OPRM1: variants seen among roughly 807,000 people sequenced by gnomAD.
OPRM1 encodes opioid receptor mu 1.
OPRM1 carries 27 observed loss-of-function variants against 31.8 expected under a neutral mutation model. The observed-to-expected ratio is 0.85, with a 90% CI of 0.63 to 1.17. OPRM1 has a LOEUF of 1.17. Among genes scored for constraint, OPRM1 ranks in the 50% most tolerant of loss-of-function variants. The probability of loss-of-function intolerance (pLI) is 0.00; values close to 1 mark genes in which losing one functional copy is unlikely to be tolerated. For missense variants in OPRM1, 536 were observed against 511.1 expected, an observed-to-expected ratio of 1.05 and a Z score of -0.47; for synonymous variants, 196 against 189.9, an observed-to-expected ratio of 1.03 and a Z score of -0.26.
At chr6:154,092,066 T>A (rs185326106) in intron 3 of OPRM1, 3 of 252,330 alleles carry the variant, frequency 1.2e-5, no homozygotes, top group African/African-American at 6.9e-5. Flanking sequence ...GAATAATATA[T>A]TATTAATATG....
At chr6:154,117,167 T>C (rs142906376) in intron 3 of OPRM1, among the ~76,000 whole-genome samples, 3 of 152,330 alleles carry the variant, frequency 2.0e-5, no homozygotes, top group African/African-American at 7.2e-5. Context: ...GCCAGAATAT[T>C]TGCTACCAGA....
intron 1 of OPRM1, among the ~76,000 whole-genome samples, chr6:154,055,444 T>A (rs1313881505): frequency 6.6e-6 from 1 of 151,780 alleles, no homozygotes; most frequent in Admixed American, 6.6e-5. Flanking sequence ...TTTTATTAGC[T>A]CCTAATTTTC....
At chr6:154,035,712 G>T (rs1045911853), upstream of OPRM1, among the ~76,000 whole-genome samples, 4 of 152,130 alleles carry the variant, frequency 2.6e-5, no homozygotes, top group Admixed American at 1.3e-4. Context: ...TCAAAGAAGA[G>T]AAGTGACTTT....
chr6:154,072,374 T>C (rs577990043), intron 1 of OPRM1, among the ~76,000 whole-genome samples: 3 of 152,284 alleles, frequency 2.0e-5, no homozygotes, highest in African/African-American at 7.2e-5. Flanking sequence ...ACTATAATCA[T>C]CACATATGTT....
intron 3 of OPRM1, among the ~76,000 whole-genome samples, chr6:154,221,559 G>T (rs530036975): frequency 6.6e-6 from 1 of 152,132 alleles, no homozygotes; most frequent in African/African-American, 2.4e-5. Flanking sequence ...AGTCTTAGCT[G>T]GTCAGTAGTT....
chr6:154,229,526 T>A (rs1221539673), intron 3 of OPRM1, among the ~76,000 whole-genome samples: 1 of 118,872 alleles, frequency 8.4e-6, no homozygotes. Context: ...ATTTTTTGTA[T>A]TTTTTTTTTT....
rs995679869 is a variant in OPRM1, at chr6:154,126,849, C to T, written c.*8128C>T. Among the ~76,000 whole-genome samples the T allele has an allele frequency of 2.0e-5, 3 of 152,148 alleles. No individual in the cohort carries two copies. The highest frequency in any genetic ancestry group is 4.4e-5 in the Non-Finnish European group (3 of 68,040). On this transcript the variant is annotated 3_prime_UTR_variant, in exon 4 of 4. Coordinates refer to ENST00000330432, the MANE Select transcript of OPRM1 (RefSeq NM_000914.5). ...AGTGCCTGCTGGGCGCGGTGGCTCA[C>T]GCCTGTAATTCCAGCACTTTGGGAG...
chr6:154,110,556 A>G, intron 3 of OPRM1: 1 of 615,560 alleles, frequency 1.6e-6, no homozygotes, highest in Non-Finnish European at 2.9e-6. Context: ...GGATCCCTTC[A>G]CAAGCAGGAG....
At chr6:154,237,416 A>G (rs1780222623) in intron 3 of OPRM1, among the ~76,000 whole-genome samples, 1 of 152,256 alleles carries the variant, frequency 6.6e-6, no homozygotes, top group Non-Finnish European at 1.5e-5. Context: ...TACACAGGAC[A>G]GATCATAGTC....
rs149942124 is a variant in OPRM1, at chr6:154,122,505, T to C, written c.*3784T>C. 6.6e-6 allele frequency among the ~76,000 whole-genome samples: 1 copy of C among 152,318 alleles called. No individual in the cohort carries two copies. Among genetic ancestry groups the C allele is most frequent in the African/African-American group, 2.4e-5 (1 of 41,584 alleles). On this transcript the variant is annotated 3_prime_UTR_variant, in exon 4 of 4. Transcript: ENST00000330432. ...ATTTAAGACCACTGCAAGTAAGGTC[T>C]AAGGCAAAAGTAAATTAATGAGTCC...
intron 3 of OPRM1, among the ~76,000 whole-genome samples, chr6:154,211,418 G>GAAAAAAAAAAA (rs78285288): frequency 9.3e-6 from 1 of 107,110 alleles, no homozygotes. Context: ...CAAAAACAAA[G>GAAAAAAAAAAA]AAAAAAAAAA....
intron 1 of OPRM1, among the ~76,000 whole-genome samples, chr6:154,045,238 A>G (rs1037849544): frequency 6.6e-6 from 1 of 152,042 alleles, no homozygotes; most frequent in Non-Finnish European, 1.5e-5. Flanking sequence ...CAAAAAAAAT[A>G]AATTAAAAAA....
chr6:154,179,151 T>A (rs1291165238), intron 3 of OPRM1, among the ~76,000 whole-genome samples: 2 of 152,018 alleles, frequency 1.3e-5, no homozygotes, highest in Non-Finnish European at 2.9e-5. Flanking sequence ...ATAAGTAGGA[T>A]CACAGGACAA....
In OPRM1 at chr6:154,091,332, G is replaced by A. The variant is rs1195337561; in HGVS notation, c.1024G>A (p.Asp342Asn). 1.9e-6 allele frequency: 3 copies of A among 1,614,164 alleles called. No individual in the cohort carries two copies. In the South Asian group the frequency reaches 3.3e-5, roughly 18 times the overall value. The change falls in exon 3 of 4, where the codon GAT becomes AAT. Residue 342 changes from aspartate to asparagine, a missense_variant. Asp to Asn is a conservative substitution (Grantham distance 23, BLOSUM62 1). Coordinates refer to ENST00000330432, the MANE Select transcript of OPRM1 (RefSeq NM_000914.5). ...CAACCCAGTCCTTTATGCATTTCTG[G>A]ATGAAAACTTCAAACGATGCTTCAG... Reference protein sequence around the residue: ...CLNPVLYAFLDENFKRCFREF... With the variant: ...CLNPVLYAFLNENFKRCFREF...
rs566788487 is a variant in OPRM1 at position 154,122,576 on chromosome 6, A to C, written c.*3855A>C. On this transcript the variant is annotated 3_prime_UTR_variant, in exon 4 of 4. Transcript: ENST00000330432. ...AGAGCCATTTAATCCATTTAATTAC[A>C]AATAATTTCAACCCATAGTCAGTGT... is the stretch of plus-strand genomic sequence containing the variant. Among the ~76,000 whole-genome samples, 1 of 152,352 alleles carries C rather than the reference A, an allele frequency of 6.6e-6. No individual in the cohort carries two copies. The highest frequency in any genetic ancestry group is 2.1e-4 in the South Asian group (1 of 4,826).
rs149563208 is a variant in OPRM1, at chr6:154,115,499, C to T, written c.1165-3184C>T. On this transcript the variant is annotated intron_variant, in intron 3 of 3. Coordinates refer to ENST00000330432, the MANE Select transcript of OPRM1 (RefSeq NM_000914.5). Reference sequence around the variant, plus strand: ...AGGTTGCAGTGAGCAGAGATTATACCACTGCACTCCAGCCTGGGTGACAGA... The same window carrying T: ...AGGTTGCAGTGAGCAGAGATTATACTACTGCACTCCAGCCTGGGTGACAGA... Among the ~76,000 whole-genome samples, 1,366 of 152,198 alleles carry T rather than the reference C, an allele frequency of 9.0e-3. 23 individuals are homozygous for T. The highest frequency in any genetic ancestry group is 0.031 in the African/African-American group (1,294 of 41,504).
At chr6:154,101,030 G>A (rs1046162305) in intron 3 of OPRM1, among the ~76,000 whole-genome samples, 1 of 150,980 alleles carries the variant, frequency 6.6e-6, no homozygotes, top group Admixed American at 6.6e-5. Context: ...ATGATGAAAT[G>A]GATTCCTTTA....
In OPRM1 at chr6:154,168,159, A is replaced by G; in HGVS notation, c.1164+76687A>G. 1 of 1,430,968 alleles carries G rather than the reference A, an allele frequency of 7.0e-7. No individual in the cohort carries two copies. Among genetic ancestry groups the G allele is most frequent in the Non-Finnish European group, 9.5e-7 (1 of 1,056,244 alleles). The allele number at this position is 1,430,968 out of a possible 1,614,324, so 88.6% of individuals were successfully genotyped here. ...AAGCAGTAACAATAAACCCAGTGAA[A>G]AATCAAGGAGAGAACATTCAATACT... On this transcript the variant is annotated intron_variant, in intron 3 of 3. Coordinates refer to the OPRM1 transcript ENST00000337049. This position sits in a 1 kb window ranked among gnomAD's most constrained non-coding sequence, Gnocchi z 4.1.
chr6:154,129,507 A>G lies in OPRM1; in HGVS notation c.*10786A>G, dbSNP rs1374374051. Among the ~76,000 whole-genome samples, 1 of 152,202 alleles carries G rather than the reference A, an allele frequency of 6.6e-6. No homozygotes were observed. The highest frequency in any genetic ancestry group is 1.5e-5 in the Non-Finnish European group (1 of 68,038). On this transcript the variant is annotated 3_prime_UTR_variant, in exon 4 of 4. Transcript: ENST00000330432. ...GTCTTTCTCTCCTCTCAATGTCAACATCATATATGATTGGAGACTTCCACA... is the reference window on the plus strand; with the variant it reads ...GTCTTTCTCTCCTCTCAATGTCAACGTCATATATGATTGGAGACTTCCACA...
Sources: gnomAD v4.1 joint callset for allele counts (sites outside exome capture counted in the v4.1 genomes callset) on GRCh38, gnomAD v4.1.1 for gene constraint, Gnocchi (gnomAD v3.1) non-coding constraint, MANE v1.5 for transcripts, NCBI Gene and HGNC (gene_info 2026-07-23, HGNC 2026-07-21) for gene names.